The following CTDSPL2 variants were observed in gnomAD, a reference collection of about 807,000 sequenced individuals.
CTDSPL2 encodes the protein CTD small phosphatase-like protein 2.
In CTDSPL2, 5 loss-of-function variants were observed where a neutral mutation model predicts 60.0. The observed-to-expected ratio is 0.08, with a 90% CI of 0.04 to 0.18. The LOEUF is 0.18. Among genes scored for constraint, CTDSPL2 ranks in the 10% least tolerant of loss-of-function variants. CTDSPL2 has a pLI of 1.00. For missense variants in CTDSPL2, 370 were observed against 548.8 expected, an observed-to-expected ratio of 0.67 and a Z score of 3.26; for synonymous variants, 186 against 189.3, an observed-to-expected ratio of 0.98 and a Z score of 0.14.
At chr15:44,512,507 C>T (rs2081583584) in intron 8 of CTDSPL2, among the ~76,000 whole-genome samples, 1 of 152,064 alleles carries the variant, frequency 6.6e-6, no homozygotes, top group Admixed American at 6.5e-5. Flanking sequence ...TTAACCATCA[C>T]AAATCTGTTT....
intron 2 of CTDSPL2, among the ~76,000 whole-genome samples, chr15:44,466,331 A>C (rs570048077): frequency 2.0e-5 from 3 of 152,312 alleles, no homozygotes; most frequent in African/African-American, 7.2e-5. Context: ...AGTTTCTTTA[A>C]CTACTTGATT....
At chr15:44,507,599 C>T (rs2081492073) in intron 8 of CTDSPL2, among the ~76,000 whole-genome samples, 1 of 152,158 alleles carries the variant, frequency 6.6e-6, no homozygotes. Context: ...CTGAATAACC[C>T]TCTTTCTTTG....
chr15:44,434,093 TA>T (rs201510334), intron 1 of CTDSPL2, among the ~76,000 whole-genome samples: 1 of 152,014 alleles, frequency 6.6e-6, no homozygotes, highest in Non-Finnish European at 1.5e-5. Flanking sequence ...TTTATTTATT[TA>T]TTTTTTTCTT....
intron 2 of CTDSPL2, among the ~76,000 whole-genome samples, chr15:44,477,053 G>A (rs541513678): frequency 1.3e-5 from 2 of 152,256 alleles, no homozygotes; most frequent in African/African-American, 4.8e-5. Context: ...GTAAGACCTC[G>A]TCTTTTCAAA....
chr15:44,502,278 A>G (rs1244108352), intron 8 of CTDSPL2, among the ~76,000 whole-genome samples: 1 of 152,020 alleles, frequency 6.6e-6, no homozygotes, highest in African/African-American at 2.4e-5. Context: ...TTTTATATGT[A>G]AAGATCAAAT....
chr15:44,448,593 A>C (rs1381641682), intron 1 of CTDSPL2: 1 of 298,648 alleles, frequency 3.3e-6, no homozygotes, highest in East Asian at 1.0e-4. Context: ...TCCCAGAGCC[A>C]AATTGACCCA....
At chr15:44,431,631 C>G (rs2079858497) in intron 1 of CTDSPL2, among the ~76,000 whole-genome samples, 1 of 151,542 alleles carries the variant, frequency 6.6e-6, no homozygotes, top group Non-Finnish European at 1.5e-5. Flanking sequence ...ATCAAATAAG[C>G]TTATTGGTAC....
At chr15:44,523,137 C>T (rs1378136371) in intron 12 of CTDSPL2, among the ~76,000 whole-genome samples, 1 of 152,122 alleles carries the variant, frequency 6.6e-6, no homozygotes, top group Non-Finnish European at 1.5e-5. Context: ...GCTGGGATTA[C>T]AGGCGCCCGC....
chr15:44,448,809 GA>G (rs908584290), intron 1 of CTDSPL2: 98 of 344,692 alleles, frequency 2.8e-4, no homozygotes, highest in South Asian at 4.8e-4. Context: ...GCTTAGGAGG[GA>G]AAAAAAAATC....
intron 8 of CTDSPL2, among the ~76,000 whole-genome samples, chr15:44,507,410 T>C (rs1488203476): frequency 6.6e-6 from 1 of 152,190 alleles, no homozygotes; most frequent in African/African-American, 2.4e-5. Flanking sequence ...TAGGGATTTT[T>C]TGTTGTTTTG....
intron 8 of CTDSPL2, among the ~76,000 whole-genome samples, chr15:44,504,475 A>T (rs1054293688): frequency 2.2e-4 from 33 of 152,322 alleles, no homozygotes; most frequent in Admixed American, 1.9e-3. Flanking sequence ...ATTTAAATTT[A>T]TAATTTTGTA....
chr15:44,494,008 CAAAAG>C (rs2140814231), intron 5 of CTDSPL2, among the ~76,000 whole-genome samples: 1 of 152,210 alleles, frequency 6.6e-6, no homozygotes, highest in African/African-American at 2.4e-5. Context: ...GATAATTGCA[CAAAAG>C]ATTAATTTTT....
chr15:44,522,833 A>G (rs766011681), intron 12 of CTDSPL2, among the ~76,000 whole-genome samples: 39 of 152,226 alleles, frequency 2.6e-4, no homozygotes, highest in Non-Finnish European at 4.3e-4. Context: ...TGCTTATGCT[A>G]CTGAAACTTT....
At chr15:44,445,201 T>C (rs1407853591) in intron 1 of CTDSPL2, among the ~76,000 whole-genome samples, 1 of 151,856 alleles carries the variant, frequency 6.6e-6, no homozygotes, top group East Asian at 1.9e-4. Flanking sequence ...TTTTTCTTTT[T>C]GAGACAGAGT....
intron 2 of CTDSPL2, among the ~76,000 whole-genome samples, chr15:44,459,810 A>G (rs1366088379): frequency 6.6e-6 from 1 of 152,148 alleles, no homozygotes; most frequent in African/African-American, 2.4e-5. Context: ...TTTCTTGTTA[A>G]TATTCACTGT....
intron 2 of CTDSPL2, among the ~76,000 whole-genome samples, chr15:44,479,602 T>G (rs916891602): frequency 1.3e-5 from 2 of 152,002 alleles, no homozygotes; most frequent in African/African-American, 2.4e-5. Context: ...AGAAATGGGA[T>G]CTTGCTGTGT....
rs1001527766 is a variant in CTDSPL2, at chr15:44,528,047, A to AT, written c.*3878dup. ...ATCCAAGTCTCACTAACTAGGGTAC[A>AT]TTTTTATAAAATGTTTCTCTGTATC... On this transcript the variant is annotated 3_prime_UTR_variant, in exon 13 of 13. Coordinates refer to ENST00000260327, the MANE Select transcript of CTDSPL2 (RefSeq NM_016396.3). 1 of 152,152 alleles carries AT rather than the reference A, an allele frequency of 6.6e-6. No homozygotes were observed. The highest frequency in any genetic ancestry group is 6.6e-5 in the Admixed American group (1 of 15,258). 9.4% of individuals were successfully genotyped at this position (152,152 alleles called of 1,614,324 possible).
chr15:44,484,493 G>A, intron 3 of CTDSPL2, 131 bp downstream of exon 3: 1 of 852,774 alleles, frequency 1.2e-6, no homozygotes, highest in South Asian at 1.7e-5. Context: ...CTCACATTTT[G>A]GGAGGCCGAG....
At position 44,528,496 on chromosome 15, in the gene CTDSPL2, CTT is replaced by C. The variant is rs1243085543; in HGVS notation, c.*4324_*4325del. The C allele has an allele frequency of 6.6e-6, 1 of 150,550 alleles. No individual in the cohort carries two copies. The highest frequency in any genetic ancestry group is 1.9e-4 in the East Asian group (1 of 5,154). 9.3% of individuals were successfully genotyped at this position (150,550 alleles called of 1,614,324 possible). ...CAAAATTAAAGTTCACCAGACATCT[CTT>C]TGTGGTAGAGTTTTTTTTTTTTTAA... On this transcript the variant is annotated 3_prime_UTR_variant, in exon 13 of 13. Transcript: ENST00000260327.
Sources: allele counts gnomAD v4.1 joint callset (sites outside exome capture counted in the v4.1 genomes callset), GRCh38; gene constraint gnomAD v4.1.1; transcripts MANE v1.5; gene names NCBI Gene and HGNC (gene_info 2026-07-23, HGNC 2026-07-21).